Variants in DKK3 observed in about 807,000 individuals in gnomAD.
The protein encoded by DKK3 is dickkopf Wnt signaling pathway inhibitor 3.
In DKK3, 22 loss-of-function variants were observed where a neutral mutation model predicts 33.2. The observed-to-expected ratio is 0.66, with a 90% confidence interval of 0.47 to 0.95. The LOEUF is 0.95. Ranked by LOEUF, DKK3 falls within the 40% of genes least tolerant of loss-of-function variation. DKK3 has a pLI of 0.00. For missense variants in DKK3, 398 were observed against 458.4 expected (o/e 0.87, Z 1.20); for synonymous variants, 194 against 188.8 (o/e 1.03, Z -0.23).
At chr11:12,006,061 C>G (rs1848529880) in intron 1 of DKK3, among the ~76,000 whole-genome samples, 2 of 152,206 alleles carry the variant, frequency 1.3e-5, no homozygotes. Flanking sequence ...GTCATCCTTA[C>G]AGCCACCTCA....
chr11:11,971,171 G>A (rs1847717994), intron 3 of DKK3, among the ~76,000 whole-genome samples: 1 of 151,974 alleles, frequency 6.6e-6, no homozygotes, highest in South Asian at 2.1e-4. Flanking sequence ...GAGAACAAGT[G>A]TGTTTAAGGC....
intron 3 of DKK3, among the ~76,000 whole-genome samples, chr11:11,969,654 C>T (rs926487218): frequency 8.2e-6 from 1 of 121,738 alleles, no homozygotes; most frequent in Admixed American, 9.8e-5. Context: ...GACCGGCTCT[C>T]CCCTCTGACC....
chr11:11,997,538 T>G (rs1848322934), intron 3 of DKK3, among the ~76,000 whole-genome samples: 1 of 152,158 alleles, frequency 6.6e-6, no homozygotes, highest in Non-Finnish European at 1.5e-5. Flanking sequence ...CTGGGAGAGA[T>G]GATGGACATT....
chr11:12,008,480 C>A lies in DKK3; in HGVS notation c.103G>T (p.Gly35Cys), dbSNP rs79250892. ...TCCTGCGGGTAGCTGAGAGCCGGGC[C>A]GGGCTTGACTGGAGCCGAGGTCGCC... ...PTATSAPVKP[G>C]PALSYPQEEA... The change falls in exon 1 of 7, where the codon GGC (glycine) becomes TGC (cysteine). Residue 35 changes from glycine (G) to cysteine (C), a missense_variant. Coordinates refer to ENST00000683431, the MANE Select transcript of DKK3 (RefSeq NM_001018057.2). This position sits in a 1 kb window ranked among gnomAD's most constrained non-coding sequence, Gnocchi z 4.6. 3 of 1,605,790 alleles carry A rather than the reference C, an allele frequency of 1.9e-6. No homozygotes were observed. Among genetic ancestry groups the A allele is most frequent in the African/African-American group, 2.7e-5 (2 of 74,840 alleles).
At chr11:11,985,150 C>T (rs1848043000) in intron 3 of DKK3, among the ~76,000 whole-genome samples, 1 of 152,168 alleles carries the variant, frequency 6.6e-6, no homozygotes. Flanking sequence ...TGGGCACACC[C>T]AAGTTTCCTG....
intron 1 of DKK3, among the ~76,000 whole-genome samples, chr11:12,006,675 A>G (rs563770639): frequency 1.2e-3 from 185 of 152,164 alleles, no homozygotes; most frequent in African/African-American, 4.3e-3. Flanking sequence ...CATGGAGAAG[A>G]CCCCGTCACT....
At chr11:11,995,882 T>C (rs762290168) in intron 3 of DKK3, among the ~76,000 whole-genome samples, 3 of 152,202 alleles carry the variant, frequency 2.0e-5, no homozygotes, top group Non-Finnish European at 4.4e-5. Flanking sequence ...CCTTTCACAT[T>C]TGAGTGTAAA....
rs1847516793 is a variant in DKK3 at position 11,963,865 on chromosome 11, G to C, written c.*599C>G. 6.5e-6 allele frequency: 1 copy of C among 153,276 alleles called. No individual in the cohort carries two copies. Among genetic ancestry groups the C allele is most frequent in the Non-Finnish European group, 1.5e-5 (1 of 68,534 alleles). 9.5% of individuals were successfully genotyped at this position (153,276 alleles called of 1,614,324 possible). ...TGACCCCCTCCCCAGGCTGTGCTGA[G>C]AGAGGGAATTGATCTTGGATATGAA... On this transcript the variant is annotated 3_prime_UTR_variant, in exon 7 of 7. Coordinates refer to ENST00000683431, the MANE Select transcript of DKK3 (RefSeq NM_001018057.2).
At chr11:12,009,320 G>T, upstream of DKK3, 1 of 981,494 alleles carries the variant, frequency 1.0e-6, no homozygotes, top group South Asian at 4.7e-5. Context: ...GCCGGTACCC[G>T]AGGGAGCCCG....
intron 6 of DKK3, among the ~76,000 whole-genome samples, chr11:11,965,109 CT>C (rs1231952428): frequency 6.6e-6 from 1 of 152,172 alleles, no homozygotes; most frequent in Non-Finnish European, 1.5e-5. Flanking sequence ...GGAAGAATTC[CT>C]TTTTTTAAAA....
chr11:11,975,790 C>A (rs1033702255), intron 3 of DKK3, among the ~76,000 whole-genome samples: 1 of 152,208 alleles, frequency 6.6e-6, no homozygotes, highest in Non-Finnish European at 1.5e-5. Flanking sequence ...TCTGTCGCTG[C>A]ACTTGCCATA....
intron 3 of DKK3, among the ~76,000 whole-genome samples, chr11:11,971,028 GA>G (rs1029147184): frequency 4.1e-5 from 6 of 146,574 alleles, no homozygotes; most frequent in South Asian, 2.2e-4. Context: ...TAAAATTGAA[GA>G]TTTTTTTTTT....
At chr11:11,986,977 A>G (rs1848083847) in intron 3 of DKK3, among the ~76,000 whole-genome samples, 1 of 152,218 alleles carries the variant, frequency 6.6e-6, no homozygotes, top group Admixed American at 6.5e-5. Context: ...AGCTCTTTAC[A>G]GAATCTTACC....
intron 2 of DKK3, 137 bp downstream of exon 2, chr11:12,002,163 T>C: frequency 1.0e-6 from 1 of 998,180 alleles, no homozygotes; most frequent in Non-Finnish European, 1.4e-6. Flanking sequence ...CTCCTTCTGG[T>C]TTTCAATCCG....
intron 3 of DKK3, among the ~76,000 whole-genome samples, chr11:11,986,243 A>T (rs1001425246): frequency 6.6e-6 from 1 of 152,176 alleles, no homozygotes; most frequent in African/African-American, 2.4e-5. Context: ...TGGAAAATTC[A>T]GGCTGTTTTC....
In DKK3 at chr11:11,967,045, G is replaced by A. The variant is rs772463894; in HGVS notation, c.582C>T (p.His194=). ...CCGDQLCVWG[H]CTKMATRGSN... is the part of the protein sequence containing the mutation. ...TGCCCCTGGTGGCCATTTTGGTGCA[G>A]TGACCCCAGACACACAGCTGGTCTC... The change falls in exon 5 of 7, where the codon CAC becomes CAT. Residue 194 remains histidine, a synonymous_variant. Coordinates refer to ENST00000683431, the MANE Select transcript of DKK3 (RefSeq NM_001018057.2). The A allele has an allele frequency of 8.1e-6, 13 of 1,613,892 alleles. No homozygotes were observed. Among genetic ancestry groups the A allele is most frequent in the Non-Finnish European group, 1.1e-5 (13 of 1,180,036 alleles).
intron 3 of DKK3, among the ~76,000 whole-genome samples, chr11:11,989,844 A>G (rs1396304340): frequency 6.6e-6 from 1 of 152,174 alleles, no homozygotes; most frequent in African/African-American, 2.4e-5. Flanking sequence ...TCAGCCACCT[A>G]CAAGTTCTGT....
chr11:11,969,602 G>A (rs769328457), intron 3 of DKK3, among the ~76,000 whole-genome samples: 9 of 152,140 alleles, frequency 5.9e-5, no homozygotes, highest in Non-Finnish European at 1.2e-4. Flanking sequence ...CTGGTATTCT[G>A]GGGCCCAGCA....
At chr11:11,965,737 G>A (rs1590494375) in intron 6 of DKK3, 72 bp downstream of exon 6, 2 of 1,543,304 alleles carry the variant, frequency 1.3e-6, no homozygotes, top group East Asian at 2.3e-5. Flanking sequence ...ACCTGCTCCT[G>A]CTCCTACGCC....
Sources: allele counts gnomAD v4.1 joint callset (sites outside exome capture counted in the v4.1 genomes callset), GRCh38; gene constraint gnomAD v4.1.1; non-coding constraint Gnocchi (gnomAD v3.1); transcripts MANE v1.5; gene names NCBI Gene and HGNC (gene_info 2026-07-23, HGNC 2026-07-21).